KLHL2: variants seen among roughly 807,000 people sequenced by gnomAD.
The protein encoded by KLHL2 is kelch-like protein 2.
Under a neutral mutation model 75.8 loss-of-function variants are expected in KLHL2, and 15 were observed. The observed-to-expected ratio is 0.20, with a 90% CI of 0.13 to 0.30. KLHL2 has a LOEUF of 0.30. Ranked by LOEUF, KLHL2 falls within the 10% of genes least tolerant of loss-of-function variation. KLHL2 has a pLI of 1.00. For missense variants in KLHL2, 381 were observed against 741.0 expected (o/e 0.51, Z 5.64); for synonymous variants, 214 against 251.9 (o/e 0.85, Z 1.42).
intron 7 of KLHL2, among the ~76,000 whole-genome samples, chr4:165,298,955 C>CA (rs1344879250): frequency 1.4e-5 from 2 of 144,986 alleles, no homozygotes; most frequent in Non-Finnish European, 3.1e-5. Context: ...CCTCCCCCCC[C>CA]AGAAAAAAGA....
At chr4:165,225,406 C>T (rs1349659778) in intron 2 of KLHL2, among the ~76,000 whole-genome samples, 1 of 152,134 alleles carries the variant, frequency 6.6e-6, no homozygotes, top group African/African-American at 2.4e-5. Context: ...TTGGTAAGCT[C>T]ACACAGTCCT....
At chr4:165,209,953 T>C (rs1260438099) in intron 1 of KLHL2, 27 of 1,407,664 alleles carry the variant, frequency 1.9e-5, no homozygotes, top group Non-Finnish European at 2.4e-5. Context: ...CCCTCCACCA[T>C]GGATCCCGTG....
intron 5 of KLHL2, among the ~76,000 whole-genome samples, chr4:165,286,994 T>C (rs1199886053): frequency 4.6e-5 from 7 of 152,218 alleles, no homozygotes; most frequent in Admixed American, 3.3e-4. Flanking sequence ...TTAAAAATAT[T>C]TGTGTTAAGG....
Position 165,263,225 on chromosome 4 carries a change from A to G in KLHL2, c.410A>G (p.Gln137Arg). 6.2e-7 allele frequency: 1 copy of G among 1,614,044 alleles called. No homozygotes were observed. The highest frequency in any genetic ancestry group is 8.5e-7 in the Non-Finnish European group (1 of 1,179,982). ...QVLLPAAGLL[Q>R]LQDVKKTCCE... is the part of the protein sequence containing the mutation. ...CTTCTCCCAGCAGCTGGTCTCTTAC[A>G]GTTACAGGATGTGAAGAAGACTTGT... The change falls in exon 5 of 15, where the codon CAG becomes CGG. Residue 137 changes from glutamine to arginine, a missense_variant. Physicochemically the swap from Gln to Arg is conservative, Grantham distance 43. This residue lies in a region of KLHL2 where 51 missense variants were observed against 101.3 expected (regional missense o/e 0.50). Coordinates refer to ENST00000226725, the MANE Select transcript of KLHL2 (RefSeq NM_007246.4).
chr4:165,243,039 C>T (rs555563484), intron 4 of KLHL2, among the ~76,000 whole-genome samples: 2 of 152,218 alleles, frequency 1.3e-5, no homozygotes, highest in Admixed American at 6.5e-5. Context: ...ACTATTAAAT[C>T]GTCATTAACT....
chr4:165,299,287 A>G (rs1745167414), intron 7 of KLHL2, among the ~76,000 whole-genome samples: 1 of 151,918 alleles, frequency 6.6e-6, no homozygotes, highest in African/African-American at 2.4e-5. Flanking sequence ...TCTTCTTTTT[A>G]TTACCTATAT....
At chr4:165,292,887 G>C (rs2126484562) in intron 5 of KLHL2, among the ~76,000 whole-genome samples, 1 of 152,206 alleles carries the variant, frequency 6.6e-6, no homozygotes, top group Middle Eastern at 3.4e-3. Flanking sequence ...TTTTACTTTA[G>C]AATTTATAAT....
chr4:165,309,007 T>G (rs921046852), intron 9 of KLHL2, among the ~76,000 whole-genome samples: 1 of 152,136 alleles, frequency 6.6e-6, no homozygotes, highest in Non-Finnish European at 1.5e-5. Flanking sequence ...CAGAGGTACA[T>G]CTCTTGCCTG....
At chr4:165,232,594 C>T (rs1374437078) in intron 3 of KLHL2, among the ~76,000 whole-genome samples, 2 of 151,586 alleles carry the variant, frequency 1.3e-5, no homozygotes, top group Admixed American at 1.3e-4. Context: ...ATTGACTGAG[C>T]ATGGTCACAC....
chr4:165,234,551 T>C (rs1362318264), intron 3 of KLHL2, among the ~76,000 whole-genome samples: 1 of 151,942 alleles, frequency 6.6e-6, no homozygotes, highest in African/African-American at 2.4e-5. Flanking sequence ...TTGCAATGGA[T>C]AAGTGAAGTT....
chr4:165,305,084 A>G (rs1745625928), intron 8 of KLHL2, among the ~76,000 whole-genome samples: 1 of 152,158 alleles, frequency 6.6e-6, no homozygotes, highest in Admixed American at 6.6e-5. Context: ...AGATTCGGGA[A>G]TCTGTACTCT....
chr4:165,261,619 G>A (rs2322026), intron 4 of KLHL2, among the ~76,000 whole-genome samples: 3 of 151,554 alleles, frequency 2.0e-5, no homozygotes, highest in African/African-American at 4.8e-5. Context: ...GATTACAGGC[G>A]TGAGCCACCA....
rs1744325572 is a variant in KLHL2 at position 165,289,324 on chromosome 4, T to G, written c.545-5035T>G. ...CACATCCTTTCCAAAGAAAGCTCAG[T>G]ATAAGAATGTAAACATTAGATATCA... On this transcript the variant is annotated intron_variant, in intron 5 of 14. Coordinates refer to ENST00000226725, the MANE Select transcript of KLHL2 (RefSeq NM_007246.4). Among the ~76,000 whole-genome samples the G allele has an allele frequency of 2.0e-5, 3 of 152,138 alleles. No individual in the cohort carries two copies. In the South Asian group the frequency reaches 6.2e-4, roughly 31 times the overall value.
At chr4:165,243,625 G>C (rs1739996309) in intron 4 of KLHL2, among the ~76,000 whole-genome samples, 1 of 152,256 alleles carries the variant, frequency 6.6e-6, no homozygotes, top group African/African-American at 2.4e-5. Flanking sequence ...GTAATAAACA[G>C]ACTAAATGTT....
chr4:165,284,645 C>G lies in KLHL2; in HGVS notation c.545-9714C>G, dbSNP rs1339978795. 2.0e-5 allele frequency among the ~76,000 whole-genome samples: 3 copies of G among 152,192 alleles called. No homozygotes were observed. In the East Asian group the frequency reaches 5.8e-4, roughly 29 times the overall value. On this transcript the variant is annotated intron_variant, in intron 5 of 14. Coordinates refer to ENST00000226725, the MANE Select transcript of KLHL2 (RefSeq NM_007246.4). ...CTTCTTCTGAGCTCTCCAAACTGTT[C>G]CAACCTCTGCCTGTTACTCAGTTCC...
chr4:165,222,405 A>G (rs956934146), intron 2 of KLHL2, among the ~76,000 whole-genome samples: 2 of 152,036 alleles, frequency 1.3e-5, no homozygotes, highest in Non-Finnish European at 2.9e-5. Flanking sequence ...TGTGAACTCT[A>G]TAACTGTGAG....
intron 7 of KLHL2, among the ~76,000 whole-genome samples, chr4:165,298,473 AT>A (rs1745085550): frequency 1.3e-5 from 2 of 151,072 alleles, no homozygotes; most frequent in African/African-American, 4.8e-5. Flanking sequence ...ATAATTTTAA[AT>A]TTACTGTTTT....
intron 3 of KLHL2, among the ~76,000 whole-genome samples, chr4:165,231,707 A>G (rs1199510458): frequency 2.6e-5 from 4 of 152,174 alleles, no homozygotes; most frequent in Non-Finnish European, 5.9e-5. Context: ...TATGAATAAT[A>G]CTGCTATGAA....
chr4:165,292,476 G>C (rs1482663587), intron 5 of KLHL2, among the ~76,000 whole-genome samples: 4 of 152,072 alleles, frequency 2.6e-5, no homozygotes, highest in Non-Finnish European at 5.9e-5. Context: ...GGGAGTACAG[G>C]TGTGTGCCAC....
Sources: allele counts gnomAD v4.1 joint callset (sites outside exome capture counted in the v4.1 genomes callset), GRCh38; gene constraint gnomAD v4.1.1; regional missense constraint gnomAD v4.1.1; transcripts MANE v1.5; gene names NCBI Gene and HGNC (gene_info 2026-07-23, HGNC 2026-07-21).